The following TUBGCP3 variants were observed in gnomAD, a reference collection of about 807,000 sequenced individuals.
TUBGCP3 encodes gamma-tubulin complex component 3.
Under a neutral mutation model 123.1 loss-of-function variants are expected in TUBGCP3, and 50 were observed. That is an observed-to-expected ratio of 0.41 (90% CI 0.32 to 0.51). The LOEUF (loss-of-function observed/expected upper bound fraction) is 0.51, where lower values mean the gene tolerates loss of function less well. TUBGCP3 is among the 20% of genes least tolerant of loss of function. TUBGCP3 has a pLI of 0.36. For missense variants in TUBGCP3, 882 were observed against 1,127.0 expected, an observed-to-expected ratio of 0.78 and a Z score of 3.11; for synonymous variants, 405 against 413.9, an observed-to-expected ratio of 0.98 and a Z score of 0.26.
chr13:112,527,527 T>C lies in TUBGCP3; in HGVS notation c.1336-43A>G, dbSNP rs754043871. On this transcript the variant is annotated intron_variant, in intron 11 of 21. Transcript: ENST00000261965. ...TGGAAATGTTCAAGAGTGATATTTA[T>C]GGCAAAATATTAACCAACAGCAACA... 5 of 1,375,350 alleles carry C rather than the reference T, an allele frequency of 3.6e-6. No homozygotes were observed. The Admixed American group carries it at 5.2e-5, about 14-fold the overall frequency. 85.2% of individuals were successfully genotyped at this position (1,375,350 alleles called of 1,614,324 possible).
chr13:112,580,589 G>T (rs1238573872), intron 1 of TUBGCP3, among the ~76,000 whole-genome samples: 2 of 152,186 alleles, frequency 1.3e-5, no homozygotes, highest in Non-Finnish European at 2.9e-5. Flanking sequence ...TCCACACCTA[G>T]ACACATTATT....
At chr13:112,565,429 T>C (rs1050238885) in intron 2 of TUBGCP3, among the ~76,000 whole-genome samples, 7 of 152,156 alleles carry the variant, frequency 4.6e-5, no homozygotes, top group African/African-American at 1.4e-4. Context: ...GGTAAAGTAA[T>C]AGAAATAATG....
At position 112,587,999 on chromosome 13, in the gene TUBGCP3, A is replaced by G. The variant is rs1259388295; in HGVS notation, c.-19T>C. 6.6e-7 allele frequency: 1 copy of G among 1,514,526 alleles called. No individual in the cohort carries two copies. The allele number at this position is 1,514,526 out of a possible 1,614,324, so 93.8% of individuals were successfully genotyped here. ...TCGCCATCCTCGCCCGGAGCCGTGCACGGTGGTCCGGGCAGAGCCGCCACT... is the reference window on the plus strand; with the variant it reads ...TCGCCATCCTCGCCCGGAGCCGTGCGCGGTGGTCCGGGCAGAGCCGCCACT... On this transcript the variant is annotated 5_prime_UTR_variant, in exon 1 of 22. Coordinates refer to ENST00000261965, the MANE Select transcript of TUBGCP3 (RefSeq NM_006322.6).
chr13:112,549,397 A>C (rs190374964), intron 8 of TUBGCP3, among the ~76,000 whole-genome samples: 411 of 152,232 alleles, frequency 2.7e-3, no homozygotes, highest in African/African-American at 9.2e-3. Context: ...GACAAGTTAA[A>C]GGGTGCAGCA....
chr13:112,595,551 T>C, the TUBGCP3 span, among the ~76,000 whole-genome samples: 4 of 152,222 alleles, frequency 2.6e-5, no homozygotes, highest in Non-Finnish European at 4.4e-5. Context: ...AAAATTGCTA[T>C]GCCATCTTAG....
At chr13:112,497,554 C>T (rs185337320) in intron 20 of TUBGCP3, among the ~76,000 whole-genome samples, 3 of 152,312 alleles carry the variant, frequency 2.0e-5, no homozygotes, top group African/African-American at 4.8e-5. Flanking sequence ...CTTTGACAAT[C>T]CCAAGAGTTA....
upstream of TUBGCP3, among the ~76,000 whole-genome samples, chr13:112,588,326 G>T (rs1240201355): frequency 1.3e-5 from 2 of 152,366 alleles, no homozygotes; most frequent in East Asian, 3.9e-4. Flanking sequence ...AGCGGCCCCG[G>T]AGTCGCGAGC....
chr13:112,578,395 TAAAAATACAAA>T lies in TUBGCP3; in HGVS notation c.77-9147_77-9137del, dbSNP rs1380419813. Among the ~76,000 whole-genome samples, 82 of 149,640 alleles carry T rather than the reference TAAAAATACAAA, an allele frequency of 5.5e-4. 1 individual carries two copies. Among genetic ancestry groups the T allele is most frequent in the Non-Finnish European group, 3.0e-5 (2 of 67,562 alleles). Reference sequence around the variant, plus strand: ...TAACACGGTGAAACCCCGTCTCTACTAAAAATACAAAAAATTAGCCGGGCGTGGTGGTGGGC... The same window carrying T: ...TAACACGGTGAAACCCCGTCTCTACTAAATTAGCCGGGCGTGGTGGTGGGC... On this transcript the variant is annotated intron_variant, in intron 1 of 21. Transcript: ENST00000261965.
At chr13:112,575,971 C>CT (rs1566590911) in intron 1 of TUBGCP3, among the ~76,000 whole-genome samples, 1 of 152,196 alleles carries the variant, frequency 6.6e-6, no homozygotes, top group Non-Finnish European at 1.5e-5. Context: ...GCCTTTGGCT[C>CT]TGGTCTCCAG....
rs115203606 is a variant in TUBGCP3, at chr13:112,525,296, A to T, written c.1555+1646T>A. Among the ~76,000 whole-genome samples, 1,055 of 152,302 alleles carry T rather than the reference A, an allele frequency of 6.9e-3. 11 individuals carry two copies. The highest frequency in any genetic ancestry group is 0.024 in the African/African-American group (991 of 41,564). On this transcript the variant is annotated intron_variant, in intron 13 of 21. Coordinates refer to ENST00000261965, the MANE Select transcript of TUBGCP3 (RefSeq NM_006322.6). ...CAAATTCTCCTCCTTCTCCATGGCCAGTGCAATTCCTGCCTCTTTCCAAAG... is the reference window on the plus strand; with the variant it reads ...CAAATTCTCCTCCTTCTCCATGGCCTGTGCAATTCCTGCCTCTTTCCAAAG...
chr13:112,495,949 A>G (rs1194554434), intron 20 of TUBGCP3, among the ~76,000 whole-genome samples: 2 of 152,148 alleles, frequency 1.3e-5, no homozygotes, highest in Non-Finnish European at 1.5e-5. Flanking sequence ...ATTTTTAAAA[A>G]TTATTAGAAT....
At position 112,511,503 on chromosome 13, in the gene TUBGCP3, C is replaced by T. The variant is rs895411706; in HGVS notation, c.2086+4937G>A. On this transcript the variant is annotated intron_variant, in intron 17 of 21. Coordinates refer to ENST00000261965, the MANE Select transcript of TUBGCP3 (RefSeq NM_006322.6). The surrounding 1 kb of genome is among the most constrained non-coding windows in gnomAD (Gnocchi z 4.1). ...ACCGCAGCTGGGCCGGTACTAAAGG[C>T]TGTGCTGCCGGAGCACAGAGCCCAG... 1.3e-5 allele frequency among the ~76,000 whole-genome samples: 2 copies of T among 152,146 alleles called. No homozygotes were observed. Among genetic ancestry groups the T allele is most frequent in the Non-Finnish European group, 2.9e-5 (2 of 68,022 alleles).
chr13:112,593,834 A>G, the TUBGCP3 span, among the ~76,000 whole-genome samples: 42 of 152,340 alleles, frequency 2.8e-4, no homozygotes, highest in African/African-American at 7.9e-4. Flanking sequence ...AAACAGAAAT[A>G]TGCCAAATCA....
In TUBGCP3 at chr13:112,545,641, A is replaced by G. The variant is rs1018425220; in HGVS notation, c.1335+58T>C. On this transcript the variant is annotated intron_variant, in intron 11 of 21. Transcript: ENST00000261965. The surrounding 1 kb of genome is among the most constrained non-coding windows in gnomAD (Gnocchi z 4.1). Reference sequence around the variant, plus strand: ...ATCATGAGGGGAAAAATGAAACAGCATAACTGCGTGCCCATGCTTTTTAAA... The same window carrying G: ...ATCATGAGGGGAAAAATGAAACAGCGTAACTGCGTGCCCATGCTTTTTAAA... 2 of 1,588,426 alleles carry G rather than the reference A, an allele frequency of 1.3e-6. No individual in the cohort carries two copies. The highest frequency in any genetic ancestry group is 1.7e-6 in the Non-Finnish European group (2 of 1,158,468).
intron 18 of TUBGCP3, 111 bp downstream of exon 18, chr13:112,504,515 T>C: frequency 2.8e-6 from 2 of 707,130 alleles, no homozygotes; most frequent in South Asian, 2.8e-5. Context: ...AAATTATGTA[T>C]ATATACACAT....
chr13:112,550,870 G>A (rs908061576), intron 8 of TUBGCP3, among the ~76,000 whole-genome samples: 5 of 152,144 alleles, frequency 3.3e-5, no homozygotes, highest in Non-Finnish European at 5.9e-5. Flanking sequence ...AGGCCAAGGC[G>A]GGCAGATCAT....
At chr13:112,565,378 G>C (rs1880874062) in intron 2 of TUBGCP3, among the ~76,000 whole-genome samples, 200 bp from the exon 3 acceptor site, 1 of 152,176 alleles carries the variant, frequency 6.6e-6, no homozygotes, top group Admixed American at 6.5e-5. Context: ...GTAAAGTACG[G>C]AAAATATTAG....
At chr13:112,577,025 C>T (rs574593717) in intron 1 of TUBGCP3, among the ~76,000 whole-genome samples, 17 of 149,660 alleles carry the variant, frequency 1.1e-4, no homozygotes, top group Admixed American at 1.1e-3. Flanking sequence ...ATTGATAAAC[C>T]TTTGCCAGAC....
chr13:112,488,699 C>G (rs1879851703), intron 21 of TUBGCP3, among the ~76,000 whole-genome samples: 1 of 145,206 alleles, frequency 6.9e-6, no homozygotes. Flanking sequence ...CCCCAGGTCC[C>G]CACACCCACC....
Sources: allele counts gnomAD v4.1 joint callset (sites outside exome capture counted in the v4.1 genomes callset), GRCh38; gene constraint gnomAD v4.1.1; non-coding constraint Gnocchi (gnomAD v3.1); transcripts MANE v1.5; gene names NCBI Gene and HGNC (gene_info 2026-07-23, HGNC 2026-07-21).